GPC6: variants seen among roughly 807,000 people sequenced by gnomAD.
GPC6 encodes glypican-6.
A neutral mutation model predicts 55.2 loss-of-function variants in GPC6; 14 were observed. The ratio of observed to expected loss-of-function variants is 0.25; its 90% CI spans 0.17 to 0.40. The LOEUF (loss-of-function observed/expected upper bound fraction) is 0.40, where lower values mean the gene tolerates loss of function less well. Among genes scored for constraint, GPC6 ranks in the 10% least tolerant of loss-of-function variants. GPC6 has a pLI of 1.00. For missense variants in GPC6, 641 were observed against 708.5 expected, an observed-to-expected ratio of 0.90 and a Z score of 1.08; for synonymous variants, 278 against 259.6, an observed-to-expected ratio of 1.07 and a Z score of -0.68.
At chr13:93,583,714 C>T (rs1877057713) in intron 2 of GPC6, among the ~76,000 whole-genome samples, 1 of 152,212 alleles carries the variant, frequency 6.6e-6, no homozygotes, top group Non-Finnish European at 1.5e-5. Context: ...CCACGCCTGG[C>T]CCCCTCTTTT....
chr13:93,444,195 CT>C lies in GPC6; in HGVS notation c.161-101049del, dbSNP rs10659977. ...AGTAAAAAGTCAAAATGCAATTCTT[CT>C]TTTTTTTTTTTTTTTTTTGGTAAAT... On this transcript the variant is annotated intron_variant, in intron 1 of 8. Transcript: ENST00000377047. 1.1e-3 allele frequency among the ~76,000 whole-genome samples: 121 copies of C among 110,684 alleles called. 1 individual carries two copies. Among genetic ancestry groups the C allele is most frequent in the East Asian group, 6.2e-3 (25 of 4,052 alleles). 72.6% of individuals were successfully genotyped at this position (110,684 alleles called of 152,430 possible).
At chr13:94,135,896 A>C (rs557210333) in intron 4 of GPC6, among the ~76,000 whole-genome samples, 35 of 152,284 alleles carry the variant, frequency 2.3e-4, no homozygotes, top group African/African-American at 8.4e-4. Context: ...TTGATTTTTG[A>C]GTTAGATCCT....
At chr13:93,242,093 T>A (rs960585402) in intron 1 of GPC6, among the ~76,000 whole-genome samples, 1 of 152,178 alleles carries the variant, frequency 6.6e-6, no homozygotes. Context: ...TCCCCAGTAT[T>A]TTTTCAGTGG....
At chr13:93,786,099 A>C (rs575196854) in intron 2 of GPC6, among the ~76,000 whole-genome samples, 1 of 152,224 alleles carries the variant, frequency 6.6e-6, no homozygotes, top group African/African-American at 2.4e-5. Context: ...CTCCTTGGTC[A>C]GTGTGGACGC....
At chr13:93,472,797 T>C (rs755282063) in intron 1 of GPC6, among the ~76,000 whole-genome samples, 11 of 152,160 alleles carry the variant, frequency 7.2e-5, no homozygotes, top group Non-Finnish European at 1.5e-4. Context: ...AGTTCTTCTC[T>C]TGCAACCAGG....
intron 1 of GPC6, among the ~76,000 whole-genome samples, chr13:93,451,566 A>T (rs1417653204): frequency 6.6e-6 from 1 of 152,214 alleles, no homozygotes; most frequent in African/African-American, 2.4e-5. Flanking sequence ...ATGCCCGTTC[A>T]TGTACATGTT....
chr13:93,572,305 A>G (rs1876444015), intron 2 of GPC6, among the ~76,000 whole-genome samples: 1 of 152,128 alleles, frequency 6.6e-6, no homozygotes, highest in South Asian at 2.1e-4. Flanking sequence ...ATGATTCAGA[A>G]CCATCATATA....
At chr13:94,076,341 G>A (rs966022763) in intron 4 of GPC6, among the ~76,000 whole-genome samples, 2 of 151,736 alleles carry the variant, frequency 1.3e-5, no homozygotes, top group African/African-American at 2.4e-5. Context: ...AGATGTGGTT[G>A]TTCCTTATAT....
chr13:94,251,221 C>T (rs1164631923), intron 4 of GPC6, among the ~76,000 whole-genome samples: 1 of 151,810 alleles, frequency 6.6e-6, no homozygotes, highest in East Asian at 1.9e-4. Context: ...AAACCAAACA[C>T]CATGTTCTCA....
intron 6 of GPC6, among the ~76,000 whole-genome samples, chr13:94,348,002 C>T (rs1878371069): frequency 6.6e-6 from 1 of 152,166 alleles, no homozygotes; most frequent in South Asian, 2.1e-4. Context: ...TCTATGCAGC[C>T]GTTCATCTGA....
chr13:93,987,989 CT>C (rs1438361410), intron 3 of GPC6, among the ~76,000 whole-genome samples: 2 of 152,076 alleles, frequency 1.3e-5, no homozygotes, highest in Non-Finnish European at 2.9e-5. Context: ...GCAGAGGGGT[CT>C]TTCTGAATTT....
At position 94,313,107 on chromosome 13, in the gene GPC6, AC is replaced by A. The variant is rs1328504286; in HGVS notation, c.1152+6987del. On this transcript the variant is annotated intron_variant, in intron 6 of 8. Coordinates refer to ENST00000377047, the MANE Select transcript of GPC6 (RefSeq NM_005708.5). ...AATAAAAAAACGTTAAAACCAAACCACCCAACGTATTCTGTCTCGGTTTCTG... is the reference window on the plus strand; with the variant it reads ...AATAAAAAAACGTTAAAACCAAACCACCAACGTATTCTGTCTCGGTTTCTG... 2.0e-5 allele frequency among the ~76,000 whole-genome samples: 3 copies of A among 151,894 alleles called. No individual in the cohort carries two copies. The East Asian group carries it at 5.8e-4, about 29-fold the overall frequency.
At chr13:93,416,020 A>G (rs113130824) in intron 1 of GPC6, among the ~76,000 whole-genome samples, 67 of 152,244 alleles carry the variant, frequency 4.4e-4, no homozygotes, top group African/African-American at 1.6e-3. Flanking sequence ...TAACCTAACA[A>G]TTTAAGGCTT....
At chr13:93,974,240 G>C (rs904151053) in intron 3 of GPC6, among the ~76,000 whole-genome samples, 1 of 152,106 alleles carries the variant, frequency 6.6e-6, no homozygotes, top group African/African-American at 2.4e-5. Flanking sequence ...TGGTCCGTAG[G>C]CATTGTTAGT....
chr13:93,841,052 G>C (rs564418866), intron 3 of GPC6, among the ~76,000 whole-genome samples: 1 of 152,084 alleles, frequency 6.6e-6, no homozygotes, highest in African/African-American at 2.4e-5. Context: ...ACACATGTAC[G>C]AGTGAGGAGG....
chr13:94,261,333 G>C (rs1240838729), intron 4 of GPC6, among the ~76,000 whole-genome samples: 3 of 152,094 alleles, frequency 2.0e-5, no homozygotes, highest in Non-Finnish European at 4.4e-5. Flanking sequence ...TGGGCAACAG[G>C]GTATGACACT....
At chr13:94,245,102 A>G (rs561032849) in intron 4 of GPC6, among the ~76,000 whole-genome samples, 110 of 152,188 alleles carry the variant, frequency 7.2e-4, no homozygotes, top group African/African-American at 2.5e-3. Flanking sequence ...CATATTGTAC[A>G]TTAGACCTTT....
At chr13:93,535,476 G>A (rs1176480547) in intron 1 of GPC6, among the ~76,000 whole-genome samples, 1 of 152,104 alleles carries the variant, frequency 6.6e-6, no homozygotes, top group Non-Finnish European at 1.5e-5. Context: ...CTGCTCTGCT[G>A]TTGTAATGCC....
chr13:93,489,951 C>T (rs1002816322), intron 1 of GPC6, among the ~76,000 whole-genome samples: 1 of 151,314 alleles, frequency 6.6e-6, no homozygotes, highest in Non-Finnish European at 1.5e-5. Flanking sequence ...TAATTGAATA[C>T]CCTTTATTTT....
Sources: gnomAD v4.1 joint callset for allele counts (sites outside exome capture counted in the v4.1 genomes callset) on GRCh38, gnomAD v4.1.1 for gene constraint, MANE v1.5 for transcripts, NCBI Gene and HGNC (gene_info 2026-07-23, HGNC 2026-07-21) for gene names.